Variants in LRMDA observed in about 807,000 individuals in gnomAD.
The protein encoded by LRMDA is leucine rich melanocyte differentiation associated.
In LRMDA, 18 loss-of-function variants were observed where a neutral mutation model predicts 29.8. The observed-to-expected ratio is 0.60, with a 90% CI of 0.42 to 0.90. The LOEUF (loss-of-function observed/expected upper bound fraction) is 0.90, where lower values mean the gene tolerates loss of function less well. Among genes scored for constraint, LRMDA ranks in the 40% least tolerant of loss-of-function variants. LRMDA has a pLI of 0.00. For synonymous variants in LRMDA, 125 were observed against 109.4 expected (o/e 1.14, Z -0.89); for missense variants, 273 against 273.9 (o/e 1.00, Z 0.02).
chr10:75,958,760 C>T (rs995371277), intron 2 of LRMDA, among the ~76,000 whole-genome samples: 2 of 152,090 alleles, frequency 1.3e-5, no homozygotes, highest in Non-Finnish European at 2.9e-5. Context: ...AAGACATACC[C>T]GAGACTCGGT....
At chr10:75,624,123 C>G (rs1362212650) in intron 2 of LRMDA, among the ~76,000 whole-genome samples, 2 of 152,114 alleles carry the variant, frequency 1.3e-5, no homozygotes, top group African/African-American at 2.4e-5. Flanking sequence ...TAGCCCTGTT[C>G]CTATCCTTCA....
At chr10:75,817,503 A>G (rs1844081942) in intron 2 of LRMDA, among the ~76,000 whole-genome samples, 1 of 152,220 alleles carries the variant, frequency 6.6e-6, no homozygotes, top group Non-Finnish European at 1.5e-5. Flanking sequence ...AAGGGGGAAA[A>G]TATGTGCTAG....
intron 2 of LRMDA, among the ~76,000 whole-genome samples, chr10:75,879,313 A>G (rs1589238669): frequency 1.3e-5 from 2 of 152,300 alleles, no homozygotes; most frequent in South Asian, 2.1e-4. Context: ...TTTTGCTTCC[A>G]TTAGCCCTGC....
At chr10:75,806,725 T>A (rs1027727730) in intron 2 of LRMDA, among the ~76,000 whole-genome samples, 9 of 150,774 alleles carry the variant, frequency 6.0e-5, no homozygotes, top group African/African-American at 2.2e-4. Context: ...CAATCACCTG[T>A]GATTACAGAA....
chr10:76,411,136 C>G (rs1477747756), intron 6 of LRMDA, among the ~76,000 whole-genome samples: 2 of 152,164 alleles, frequency 1.3e-5, no homozygotes, highest in African/African-American at 2.4e-5. Flanking sequence ...ATCTTGAGTA[C>G]TATTTTATTA....
intron 5 of LRMDA, among the ~76,000 whole-genome samples, chr10:76,254,342 T>TACCATACCATACCATACCATA (rs71024595): frequency 1.0e-4 from 14 of 139,848 alleles, no homozygotes; most frequent in Admixed American, 2.9e-4. Context: ...TACCATACCA[T>TACCATACCATACCATACCATA]CCTATCCTAT....
intron 6 of LRMDA, among the ~76,000 whole-genome samples, chr10:76,400,186 G>A (rs2132495324): frequency 6.6e-6 from 1 of 152,320 alleles, no homozygotes; most frequent in South Asian, 2.1e-4. Context: ...GTGGCCTCTG[G>A]CCAACAGCCA....
chr10:76,455,871 T>G (rs1375521985), intron 6 of LRMDA, among the ~76,000 whole-genome samples: 1 of 152,130 alleles, frequency 6.6e-6, no homozygotes, highest in African/African-American at 2.4e-5. Context: ...GGATATATCC[T>G]GTTGTTACTC....
chr10:76,549,115 T>A (rs1843456977), intron 6 of LRMDA, among the ~76,000 whole-genome samples: 1 of 152,104 alleles, frequency 6.6e-6, no homozygotes, highest in South Asian at 2.1e-4. Context: ...CTCCCCTTCT[T>A]CTTCTAAGAT....
At chr10:76,416,313 T>A (rs565233496) in intron 6 of LRMDA, among the ~76,000 whole-genome samples, 7 of 152,296 alleles carry the variant, frequency 4.6e-5, no homozygotes, top group Admixed American at 1.3e-4. Context: ...GAGGTTCGTG[T>A]GGATATGTGT....
At chr10:75,862,096 A>G (rs1258232889) in intron 2 of LRMDA, among the ~76,000 whole-genome samples, 2 of 151,994 alleles carry the variant, frequency 1.3e-5, no homozygotes, top group Non-Finnish European at 2.9e-5. Flanking sequence ...CTATCAACCT[A>G]CAGAATTATG....
intron 2 of LRMDA, among the ~76,000 whole-genome samples, chr10:75,925,844 G>T (rs1247814208): frequency 6.6e-6 from 1 of 151,986 alleles, no homozygotes; most frequent in African/African-American, 2.4e-5. Context: ...GTAGAGACAG[G>T]TTTTCACCAT....
At chr10:75,684,278 G>A (rs1842057538) in intron 2 of LRMDA, among the ~76,000 whole-genome samples, 1 of 152,188 alleles carries the variant, frequency 6.6e-6, no homozygotes, top group Non-Finnish European at 1.5e-5. Flanking sequence ...CCTGTAGGCT[G>A]AGTTAGGTCA....
At chr10:75,978,082 C>T (rs73281444) in intron 2 of LRMDA, among the ~76,000 whole-genome samples, 58 of 152,302 alleles carry the variant, frequency 3.8e-4, no homozygotes, top group African/African-American at 1.3e-3. Context: ...GGGACAGATC[C>T]TCTCAGTGAG....
At chr10:75,726,337 T>C (rs989188093) in intron 2 of LRMDA, among the ~76,000 whole-genome samples, 3 of 152,204 alleles carry the variant, frequency 2.0e-5, no homozygotes, top group African/African-American at 7.2e-5. Context: ...AGCTAGAGTG[T>C]TCATGTTTAC....
At chr10:75,525,835 T>C (rs751978253) in intron 2 of LRMDA, among the ~76,000 whole-genome samples, 7 of 151,472 alleles carry the variant, frequency 4.6e-5, no homozygotes, top group Non-Finnish European at 8.8e-5. Context: ...CCTTTCGTAA[T>C]ATCCACAGCT....
At chr10:75,679,098 A>C (rs1164685968) in intron 2 of LRMDA, among the ~76,000 whole-genome samples, 2 of 152,180 alleles carry the variant, frequency 1.3e-5, no homozygotes, top group Non-Finnish European at 1.5e-5. Context: ...TTCTGAAGCA[A>C]TCTGTTCTGT....
intron 6 of LRMDA, among the ~76,000 whole-genome samples, chr10:76,330,001 T>C (rs546342429): frequency 1.3e-5 from 2 of 152,138 alleles, no homozygotes; most frequent in South Asian, 2.1e-4. Context: ...GAGGTAGCAA[T>C]GTAGACAAAA....
chr10:75,729,212 C>T (rs1260388222), intron 2 of LRMDA, among the ~76,000 whole-genome samples: 1 of 152,198 alleles, frequency 6.6e-6, no homozygotes, highest in East Asian at 1.9e-4. Context: ...AGAATCTTGA[C>T]TGAATTAGCT....
Sources: allele counts gnomAD v4.1 joint callset (sites outside exome capture counted in the v4.1 genomes callset), GRCh38; gene constraint gnomAD v4.1.1; transcripts MANE v1.5; gene names NCBI Gene and HGNC (gene_info 2026-07-23, HGNC 2026-07-21).